Variants in CLCN5 observed in about 807,000 individuals in gnomAD.
CLCN5 encodes the protein H(+)/Cl(-) exchange transporter 5.
Under a neutral mutation model 54.0 loss-of-function variants are expected in CLCN5, and 17 were observed. The ratio of observed to expected loss-of-function variants is 0.31; its 90% CI spans 0.22 to 0.47. The LOEUF is 0.47. Ranked by LOEUF, CLCN5 falls within the 20% of genes least tolerant of loss-of-function variation. The pLI is 1.00. For synonymous variants in CLCN5, 222 were observed against 233.0 expected (o/e 0.95, Z 0.43); for missense variants, 448 against 646.7 (o/e 0.69, Z 3.33).
chrX:49,994,890 A>G (rs1331761641), intron 3 of CLCN5, among the ~76,000 whole-genome samples: 2 of 112,158 alleles, frequency 1.8e-5, no homozygotes, highest in Non-Finnish European at 3.8e-5. Flanking sequence ...GGTATGATGC[A>G]ACTAAGATGC....
At chrX:50,025,338 C>T (rs1250499468) in intron 3 of CLCN5, among the ~76,000 whole-genome samples, 16 of 80,519 alleles carry the variant, frequency 2.0e-4, no homozygotes, top group South Asian at 7.7e-4. Context: ...TGCTTCGGCT[C>T]GCGCACGGTG....
chrX:50,003,570 G>T (rs782806515), intron 3 of CLCN5: 5 of 371,521 alleles, frequency 1.3e-5, no homozygotes, highest in South Asian at 1.2e-4. Context: ...CACATGCAGG[G>T]TTTGCAGGAT....
In CLCN5 at chrX:50,075,775, C is replaced by T. The variant is rs1392573367; in HGVS notation, c.416-20C>T. On this transcript the variant is annotated intron_variant, in intron 6 of 14. Transcript: ENST00000376091. ...AGATTCAGTTTAACTTTGGCCTTTCCCTCCCTCCCCACAAATCAGGTTCGT... is the reference window on the plus strand; with the variant it reads ...AGATTCAGTTTAACTTTGGCCTTTCTCTCCCTCCCCACAAATCAGGTTCGT... 8.3e-7 allele frequency: 1 copy of T among 1,201,423 alleles called. No individual in the cohort carries two copies. The highest frequency in any genetic ancestry group is 1.1e-6 in the Non-Finnish European group (1 of 887,441).
intron 4 of CLCN5, among the ~76,000 whole-genome samples, chrX:50,048,018 C>G (rs1932452419): frequency 8.9e-6 from 1 of 111,996 alleles, no homozygotes; most frequent in South Asian, 3.8e-4. Context: ...CTGCGTAGAA[C>G]AGCGGTCCAC....
At chrX:49,924,292 A>C (rs906776855) in intron 2 of CLCN5, among the ~76,000 whole-genome samples, 19 of 110,751 alleles carry the variant, frequency 1.7e-4, no homozygotes, top group Admixed American at 2.9e-4. Flanking sequence ...AGCTGGGATT[A>C]CAGGCGTCAC....
intron 3 of CLCN5, among the ~76,000 whole-genome samples, chrX:50,027,925 T>C (rs1186754480): frequency 8.9e-6 from 1 of 111,745 alleles, no homozygotes; most frequent in African/African-American, 3.3e-5. Flanking sequence ...TGTTTTTGAC[T>C]GTTGTGTATT....
At chrX:50,053,153 T>C (rs1199091328) in intron 4 of CLCN5, among the ~76,000 whole-genome samples, 1 of 111,617 alleles carries the variant, frequency 9.0e-6, no homozygotes, top group Non-Finnish European at 1.9e-5. Context: ...TGTATTCTGC[T>C]GTTGTTGGAT....
At chrX:49,987,800 G>C (rs1357641541) in intron 3 of CLCN5, among the ~76,000 whole-genome samples, 2 of 111,712 alleles carry the variant, frequency 1.8e-5, no homozygotes, top group Non-Finnish European at 3.8e-5. Context: ...AAGCATTGCT[G>C]TTTAGACCTT....
At chrX:50,074,418 G>A (rs781928799) in intron 6 of CLCN5, among the ~76,000 whole-genome samples, 1 of 111,354 alleles carries the variant, frequency 9.0e-6, no homozygotes, top group Non-Finnish European at 1.9e-5. Flanking sequence ...AGGATTGAGG[G>A]TACCAGTGTT....
intron 3 of CLCN5, among the ~76,000 whole-genome samples, chrX:49,987,021 A>G (rs1929020478): frequency 8.9e-6 from 1 of 112,555 alleles, no homozygotes; most frequent in African/African-American, 3.2e-5. Flanking sequence ...AGATTATGTA[A>G]TAAGGAAAAA....
rs1198925820 is a variant in CLCN5 at position 50,070,037 on chromosome X, C to T, written c.315+7C>T. Reference sequence around the variant, plus strand: ...CCGGGATAGGCACCGAGAGGTAAGACAAAAGATGGCACATGGGTAAGTGTT... The same window carrying T: ...CCGGGATAGGCACCGAGAGGTAAGATAAAAGATGGCACATGGGTAAGTGTT... On this transcript the variant is annotated splice_region_variant and intron_variant, in intron 5 of 14. Coordinates refer to ENST00000376091, the MANE Select transcript of CLCN5 (RefSeq NM_001127898.4). The T allele has an allele frequency of 2.5e-6, 3 of 1,195,511 alleles. No individual in the cohort carries two copies. Among genetic ancestry groups the T allele is most frequent in the African/African-American group, 3.5e-5 (2 of 56,466 alleles).
At chrX:49,944,169 G>C (rs1168452644) in intron 3 of CLCN5, among the ~76,000 whole-genome samples, 7 of 111,460 alleles carry the variant, frequency 6.3e-5, no homozygotes, top group Non-Finnish European at 1.3e-4. Context: ...TGTAGCAATT[G>C]TGAATGGAAA....
chrX:50,057,457 T>C (rs1190425198), intron 4 of CLCN5, among the ~76,000 whole-genome samples: 1 of 26,990 alleles, frequency 3.7e-5, no homozygotes, highest in East Asian at 1.9e-3. Context: ...AGGACTCTCC[T>C]GGATAGATAC....
intron 3 of CLCN5, among the ~76,000 whole-genome samples, chrX:50,000,937 C>G (rs1451006850): frequency 2.7e-5 from 3 of 111,136 alleles, no homozygotes; most frequent in Non-Finnish European, 5.7e-5. Flanking sequence ...ATGACTGTTT[C>G]ATAATTCTTT....
Position 50,092,659 on chromosome X carries a change from G to C in CLCN5, c.*440G>C, listed in dbSNP as rs1458081835. On this transcript the variant is annotated 3_prime_UTR_variant, in exon 15 of 15. Coordinates refer to ENST00000376091, the MANE Select transcript of CLCN5 (RefSeq NM_001127898.4). The stretch of plus-strand genomic sequence containing the variant: ...TGGAAGACGAAGTGTAAACTAAGGG[G>C]CTTTGCTTTTCAAACCAGAGAAAGG... 1 of 128,195 alleles carries C rather than the reference G, an allele frequency of 7.8e-6. No individual in the cohort carries two copies. The highest frequency in any genetic ancestry group is 1.6e-5 in the Non-Finnish European group (1 of 62,720). The allele number at this position is 128,195 out of a possible 1,213,427, so 10.6% of individuals were successfully genotyped here. A position where few individuals can be genotyped will look rare whatever the true frequency, so the allele number is the denominator to read the frequency against.
rs782375635 is a variant in CLCN5, at chrX:50,098,385, C to T, written c.*6166C>T. The T allele has an allele frequency of 8.9e-6, 1 of 112,194 alleles. No individual in the cohort carries two copies. The highest frequency in any genetic ancestry group is 3.8e-4 in the South Asian group (1 of 2,651). 9.2% of individuals were successfully genotyped at this position (112,194 alleles called of 1,213,427 possible). ...GCCAGCCTCCTGTTCTTACCTCTGC[C>T]CATTCATTTCTGGCTATGGGAAAAC... On this transcript the variant is annotated 3_prime_UTR_variant, in exon 15 of 15. Coordinates refer to ENST00000376091, the MANE Select transcript of CLCN5 (RefSeq NM_001127898.4).
intron 3 of CLCN5, among the ~76,000 whole-genome samples, chrX:49,978,703 C>T (rs969029365): frequency 1.8e-5 from 2 of 112,136 alleles, no homozygotes; most frequent in Non-Finnish European, 3.8e-5. Context: ...GCCTGCTAGT[C>T]TTAAAATCTC....
intron 4 of CLCN5, among the ~76,000 whole-genome samples, chrX:50,060,486 C>A (rs1267582170): frequency 1.8e-5 from 2 of 108,420 alleles, no homozygotes; most frequent in East Asian, 5.9e-4. Context: ...CTATATCCCA[C>A]ACCTGGCTCG....
chrX:50,003,427 C>T (rs1224239866), intron 3 of CLCN5: 2 of 362,471 alleles, frequency 5.5e-6, no homozygotes, highest in East Asian at 8.2e-5. Context: ...TTGCTGCCCA[C>T]TTGCACCCCC....
Sources: gnomAD v4.1 joint callset for allele counts (sites outside exome capture counted in the v4.1 genomes callset) on GRCh38, gnomAD v4.1.1 for gene constraint, MANE v1.5 for transcripts, NCBI Gene and HGNC (gene_info 2026-07-23, HGNC 2026-07-21) for gene names.